The following PPFIBP1 variants were observed in gnomAD, a reference collection of about 807,000 sequenced individuals.
PPFIBP1 encodes the protein liprin-beta-1.
Under a neutral mutation model 137.8 loss-of-function variants are expected in PPFIBP1, and 112 were observed. That is an observed-to-expected ratio of 0.81 (90% CI 0.70 to 0.95). The LOEUF (loss-of-function observed/expected upper bound fraction) is 0.95. PPFIBP1 is among the 40% of genes least tolerant of loss of function. The probability of loss-of-function intolerance (pLI) is 0.00; values close to 1 mark genes in which losing one functional copy is unlikely to be tolerated. For synonymous variants in PPFIBP1, 378 were observed against 417.3 expected, an observed-to-expected ratio of 0.91 and a Z score of 1.15; for missense variants, 1,083 against 1,196.6, an observed-to-expected ratio of 0.91 and a Z score of 1.40.
intron 2 of PPFIBP1, among the ~76,000 whole-genome samples, chr12:27,585,032 T>C (rs2051565245): frequency 6.6e-6 from 1 of 152,196 alleles, no homozygotes; most frequent in African/African-American, 2.4e-5. Flanking sequence ...CTTGCATAAA[T>C]GTGTATCAAT....
chr12:27,654,304 G>C (rs923264980), intron 7 of PPFIBP1: 1 of 152,514 alleles, frequency 6.6e-6, no homozygotes, highest in Middle Eastern at 3.2e-3. Context: ...TCATTGAGAA[G>C]GTTCAAAAGG....
Position 27,555,515 on chromosome 12 carries a change from CT to C in PPFIBP1, c.-123-22636del, listed in dbSNP as rs148754867. 1.0e-3 allele frequency among the ~76,000 whole-genome samples: 158 copies of C among 152,256 alleles called. No individual in the cohort carries two copies. The Middle Eastern group carries it at 0.017, about 16-fold the overall frequency. On this transcript the variant is annotated intron_variant, in intron 1 of 29. Transcript: ENST00000228425. Reference sequence around the variant, plus strand: ...AAGGTTGCTACAGTTATTTTTCCCCCTGATATGAAAGCTAAGCCTTGTTTTC... The same window carrying C: ...AAGGTTGCTACAGTTATTTTTCCCCCGATATGAAAGCTAAGCCTTGTTTTC...
rs367604115 is a variant in PPFIBP1 at position 27,529,498 on chromosome 12, A to G, written c.-124+5133A>G. On this transcript the variant is annotated intron_variant, in intron 1 of 29. Transcript: ENST00000228425. ...CACTTGGGGTCAGGAGTTCGAGACC[A>G]GCCTGGCCAACATGGCAAAACCCCG... is the stretch of plus-strand genomic sequence containing the variant. Among the ~76,000 whole-genome samples, 32 of 152,342 alleles carry G rather than the reference A, an allele frequency of 2.1e-4. 1 individual carries two copies. The highest frequency in any genetic ancestry group is 7.7e-4 in the African/African-American group (32 of 41,580).
rs73091440 is a variant in PPFIBP1, at chr12:27,550,142, A to G, written c.-124+25777A>G. Reference sequence around the variant, plus strand: ...GTAAAAAGCACCTTCTTATACTCTCAGGCAAACTTTGAACCCGAGCTCGGC... The same window carrying G: ...GTAAAAAGCACCTTCTTATACTCTCGGGCAAACTTTGAACCCGAGCTCGGC... On this transcript the variant is annotated intron_variant, in intron 1 of 29. Transcript: ENST00000228425. Among the ~76,000 whole-genome samples the G allele has an allele frequency of 9.3e-4, 142 of 152,362 alleles. No homozygotes were observed. The Middle Eastern group carries it at 0.017, about 18-fold the overall frequency.
At chr12:27,541,063 T>C (rs1342713996) in intron 1 of PPFIBP1, among the ~76,000 whole-genome samples, 1 of 152,232 alleles carries the variant, frequency 6.6e-6, no homozygotes, top group African/African-American at 2.4e-5. Context: ...CTTGCGGTTC[T>C]CCAACTTTCC....
Position 27,677,360 on chromosome 12 carries a change from C to CA in PPFIBP1, c.1615+265dup. 5 of 541,234 alleles carry CA rather than the reference C, an allele frequency of 9.2e-6. No individual in the cohort carries two copies. The South Asian group carries it at 1.3e-4, about 14-fold the overall frequency. The allele number at this position is 541,234 out of a possible 1,614,324, so 33.5% of individuals were successfully genotyped here. A position where few individuals can be genotyped will look rare whatever the true frequency, so the allele number is the denominator to read the frequency against. Reference sequence around the variant, plus strand: ...GGACCTAGACGTGTGCAGCATCCCTCAGAGTGCAGGGCAGGAATGTCCTGG... The same window carrying CA: ...GGACCTAGACGTGTGCAGCATCCCTCAAGAGTGCAGGGCAGGAATGTCCTGG... On this transcript the variant is annotated intron_variant, in intron 19 of 29. Coordinates refer to ENST00000228425, the MANE Select transcript of PPFIBP1 (RefSeq NM_003622.4).
At position 27,682,655 on chromosome 12, in the gene PPFIBP1, G is replaced by C. The variant is rs1411321121; in HGVS notation, c.2199G>C (p.Gln733His). 1 of 1,614,166 alleles carries C rather than the reference G, an allele frequency of 6.2e-7. No homozygotes were observed. The highest frequency in any genetic ancestry group is 1.7e-5 in the Admixed American group (1 of 60,026). The change falls in exon 24 of 30, where the codon CAG becomes CAC. Residue 733 changes from glutamine (Q) to histidine (H), a missense_variant. Transcript: ENST00000228425. ...TTGGCCTCCCTCAATATAAGACCCA[G>C]TTTGATGAAGGACGGGTTGATGGTC... Reference protein sequence around the residue: ...DDIGLPQYKTQFDEGRVDGRM... With the variant: ...DDIGLPQYKTHFDEGRVDGRM...
chr12:27,611,095 A>T (rs1363373689), intron 2 of PPFIBP1, among the ~76,000 whole-genome samples: 2 of 152,224 alleles, frequency 1.3e-5, no homozygotes, highest in East Asian at 3.8e-4. Context: ...GTTTGTTATG[A>T]TACTGGAATT....
At chr12:27,534,668 GA>G (rs1228596628) in intron 1 of PPFIBP1, among the ~76,000 whole-genome samples, 4 of 152,172 alleles carry the variant, frequency 2.6e-5, no homozygotes, top group Admixed American at 2.6e-4. Context: ...CTTCTTGGGG[GA>G]AACCTGAGCT....
At chr12:27,677,257 C>A in intron 19 of PPFIBP1, 161 bp downstream of exon 19, 3 of 801,488 alleles carry the variant, frequency 3.7e-6, no homozygotes, top group Non-Finnish European at 6.0e-6. Context: ...AAAAAGGACT[C>A]TGTAGAGGCT....
intron 2 of PPFIBP1, among the ~76,000 whole-genome samples, chr12:27,579,318 G>A (rs2050855299): frequency 6.6e-6 from 1 of 152,214 alleles, no homozygotes; most frequent in African/African-American, 2.4e-5. Context: ...AGGACCTTAT[G>A]CGTAGAGGAA....
chr12:27,691,191 A>G (rs1404453111), intron 27 of PPFIBP1, among the ~76,000 whole-genome samples: 2 of 150,712 alleles, frequency 1.3e-5, no homozygotes, highest in Non-Finnish European at 2.9e-5. Flanking sequence ...AAATATAGTG[A>G]AGTCTATTCT....
chr12:27,605,118 A>G (rs2054392453), intron 2 of PPFIBP1, among the ~76,000 whole-genome samples: 1 of 152,188 alleles, frequency 6.6e-6, no homozygotes, highest in Non-Finnish European at 1.5e-5. Context: ...CCATATGATT[A>G]CCCAGAAAGC....
intron 12 of PPFIBP1, among the ~76,000 whole-genome samples, chr12:27,666,225 T>A (rs776085702): frequency 7.2e-5 from 11 of 152,200 alleles, no homozygotes; most frequent in Non-Finnish European, 1.2e-4. Flanking sequence ...ATACAAGAGG[T>A]AGTTTTTAAC....
At chr12:27,588,538 A>G (rs1458047260) in intron 2 of PPFIBP1, among the ~76,000 whole-genome samples, 3 of 152,220 alleles carry the variant, frequency 2.0e-5, no homozygotes, top group African/African-American at 4.8e-5. Flanking sequence ...CACATTAACT[A>G]TGAAGATGTT....
intron 5 of PPFIBP1, among the ~76,000 whole-genome samples, chr12:27,647,411 C>T (rs1437605007): frequency 6.6e-6 from 1 of 152,140 alleles, no homozygotes; most frequent in Non-Finnish European, 1.5e-5. Context: ...TATACTATCT[C>T]CACGCTGCCC....
In PPFIBP1 at chr12:27,592,568, G is replaced by C; in HGVS notation, c.-36+14329G>C. Reference sequence around the variant, plus strand: ...CGGGGACTCTTGGTGGCTTTCACAGGATGATACCTCCTCAGCAGAGGGGAG... The same window carrying C: ...CGGGGACTCTTGGTGGCTTTCACAGCATGATACCTCCTCAGCAGAGGGGAG... On this transcript the variant is annotated intron_variant, in intron 2 of 29. Transcript: ENST00000228425. 3 of 1,429,832 alleles carry C rather than the reference G, an allele frequency of 2.1e-6. No homozygotes were observed. In the South Asian group the frequency reaches 3.4e-5, roughly 16 times the overall value. 88.6% of individuals were successfully genotyped at this position (1,429,832 alleles called of 1,614,324 possible). A position where few individuals can be genotyped will look rare whatever the true frequency, so the allele number is the denominator to read the frequency against.
chr12:27,615,461 C>G (rs936045025), intron 2 of PPFIBP1, among the ~76,000 whole-genome samples: 4 of 152,122 alleles, frequency 2.6e-5, no homozygotes, highest in Non-Finnish European at 5.9e-5. Flanking sequence ...GTGGATGTGC[C>G]TGTGTTTCCT....
At chr12:27,644,589 A>G (rs1237473909) in intron 4 of PPFIBP1, among the ~76,000 whole-genome samples, 3 of 152,146 alleles carry the variant, frequency 2.0e-5, no homozygotes, top group Non-Finnish European at 4.4e-5. Context: ...CTCTTTTCCA[A>G]AAAACTGCCC....
Sources: gnomAD v4.1 joint callset for allele counts (sites outside exome capture counted in the v4.1 genomes callset) on GRCh38, gnomAD v4.1.1 for gene constraint, MANE v1.5 for transcripts, NCBI Gene and HGNC (gene_info 2026-07-23, HGNC 2026-07-21) for gene names.